Variants in RBFOX1 observed in about 807,000 individuals in gnomAD.
RBFOX1 encodes the protein RNA binding protein fox-1 homolog 1.
In RBFOX1, 8 loss-of-function variants were observed where a neutral mutation model predicts 57.7. That is an observed-to-expected ratio of 0.14 (90% CI 0.08 to 0.25). The LOEUF is 0.25. RBFOX1 is among the 10% of genes least tolerant of loss of function. The probability of loss-of-function intolerance (pLI) is 1.00; values close to 1 mark genes in which losing one functional copy is unlikely to be tolerated. For synonymous variants in RBFOX1, 326 were observed against 222.4 expected, an observed-to-expected ratio of 1.47 and a Z score of -4.15; for missense variants, 611 against 548.5, an observed-to-expected ratio of 1.11 and a Z score of -1.14.
At chr16:6,890,128 G>A (rs1419000064) in intron 3 of RBFOX1, among the ~76,000 whole-genome samples, 1 of 152,164 alleles carries the variant, frequency 6.6e-6, no homozygotes, top group East Asian at 1.9e-4. Context: ...TAATATAGGT[G>A]GTAAGGTGAA....
At chr16:7,087,012 C>T (rs2060095942) in intron 4 of RBFOX1, among the ~76,000 whole-genome samples, 1 of 152,180 alleles carries the variant, frequency 6.6e-6, no homozygotes, top group Non-Finnish European at 1.5e-5. Context: ...GGCAGGACCG[C>T]AGCCTCTGAG....
intron 3 of RBFOX1, among the ~76,000 whole-genome samples, chr16:6,664,416 G>A (rs1016534238): frequency 1.3e-5 from 2 of 152,160 alleles, no homozygotes; most frequent in African/African-American, 4.8e-5. Flanking sequence ...AGAAATGTGC[G>A]CGGTCATCTA....
chr16:6,611,777 TTCTC>T (rs2098059599), intron 2 of RBFOX1, among the ~76,000 whole-genome samples: 2 of 152,114 alleles, frequency 1.3e-5, no homozygotes, highest in South Asian at 4.1e-4. Context: ...CATCTTCCCC[TTCTC>T]TCTCTGCTTC....
At chr16:6,940,124 G>A (rs560423275) in intron 3 of RBFOX1, among the ~76,000 whole-genome samples, 21 of 152,192 alleles carry the variant, frequency 1.4e-4, no homozygotes, top group Non-Finnish European at 2.5e-4. Flanking sequence ...CCCAGGAGGC[G>A]GAGGTTGCAG....
chr16:6,819,311 G>A (rs11865240), intron 3 of RBFOX1, among the ~76,000 whole-genome samples: 1 of 151,972 alleles, frequency 6.6e-6, no homozygotes, highest in Non-Finnish European at 1.5e-5. Flanking sequence ...TGCTCACTTA[G>A]GTTTGAATTA....
chr16:7,376,280 G>A (rs918888600), intron 4 of RBFOX1, among the ~76,000 whole-genome samples: 2 of 152,140 alleles, frequency 1.3e-5, no homozygotes, highest in African/African-American at 4.8e-5. Context: ...CTCTTAATTC[G>A]ATTCTATTAG....
At chr16:5,431,562 A>G (rs1013007007) in intron 1 of RBFOX1, among the ~76,000 whole-genome samples, 1 of 151,862 alleles carries the variant, frequency 6.6e-6, no homozygotes, top group Non-Finnish European at 1.5e-5. Context: ...TTTACTAGAG[A>G]CGGGGTTTCA....
At chr16:7,189,227 C>T (rs1052748476) in intron 4 of RBFOX1, among the ~76,000 whole-genome samples, 7 of 151,732 alleles carry the variant, frequency 4.6e-5, no homozygotes, top group African/African-American at 1.5e-4. Context: ...CGATCGAGAC[C>T]ATCCTGGCTA....
chr16:6,240,738 C>T lies in RBFOX1; in HGVS notation c.-126-76257C>T, dbSNP rs559367769. 1.2e-4 allele frequency among the ~76,000 whole-genome samples: 19 copies of T among 152,204 alleles called. No homozygotes were observed. The South Asian group carries it at 2.1e-3, about 17-fold the overall frequency. ...GGGGTTCACATTTGCAGAACACTGA[C>T]GTCTTGGCTACTTACAACTCAGCCA... On this transcript the variant is annotated intron_variant, in intron 1 of 15. Coordinates refer to ENST00000550418, the MANE Select transcript of RBFOX1 (RefSeq NM_018723.4).
At chr16:6,525,299 G>C (rs7196858) in intron 2 of RBFOX1, among the ~76,000 whole-genome samples, 84,594 of 152,042 alleles carry the variant, frequency 0.56, 25,247 homozygotes, top group Non-Finnish European at 0.65. Flanking sequence ...ACTTACTGGG[G>C]AGTATGTGAT....
At chr16:7,654,506 G>A (rs1020190329) in intron 12 of RBFOX1, among the ~76,000 whole-genome samples, 2 of 152,170 alleles carry the variant, frequency 1.3e-5, no homozygotes, top group African/African-American at 2.4e-5. Flanking sequence ...TTTCCAAAAT[G>A]GCATTTGCCT....
At chr16:7,183,719 G>C (rs1357722035) in intron 4 of RBFOX1, among the ~76,000 whole-genome samples, 7 of 152,146 alleles carry the variant, frequency 4.6e-5, no homozygotes, top group South Asian at 2.1e-4. Context: ...CTGAACACAA[G>C]CTAGTTCTTA....
intron 5 of RBFOX1, among the ~76,000 whole-genome samples, chr16:7,547,025 A>G (rs879478736): frequency 6.6e-6 from 1 of 152,168 alleles, no homozygotes; most frequent in Non-Finnish European, 1.5e-5. Context: ...ACTCCCACCA[A>G]GACTGCACGG....
chr16:5,809,615 C>T (rs1181986839), intron 3 of RBFOX1, among the ~76,000 whole-genome samples: 1 of 152,156 alleles, frequency 6.6e-6, no homozygotes, highest in Non-Finnish European at 1.5e-5. Context: ...CAAATCAAAA[C>T]CACGATGAGA....
intron 3 of RBFOX1, among the ~76,000 whole-genome samples, chr16:6,938,876 G>A (rs1293662689): frequency 6.6e-6 from 1 of 152,134 alleles, no homozygotes; most frequent in Non-Finnish European, 1.5e-5. Flanking sequence ...AGGTAGCAGT[G>A]AGCCGAGATT....
intron 1 of RBFOX1, among the ~76,000 whole-genome samples, chr16:5,282,980 T>C (rs1380394679): frequency 6.6e-6 from 1 of 152,086 alleles, no homozygotes; most frequent in Non-Finnish European, 1.5e-5. Flanking sequence ...GAAGAAAAGA[T>C]GGTTTTGTGG....
intron 4 of RBFOX1, among the ~76,000 whole-genome samples, chr16:7,139,379 T>A (rs891713583): frequency 1.3e-5 from 2 of 152,142 alleles, no homozygotes; most frequent in Non-Finnish European, 2.9e-5. Context: ...ATGCTTGGCT[T>A]CATCCCTCCA....
rs372181376 is a variant in RBFOX1 at position 6,899,906 on chromosome 16, C to A, written c.-15-152151C>A. On this transcript the variant is annotated intron_variant, in intron 3 of 15. Transcript: ENST00000550418. The stretch of plus-strand genomic sequence containing the variant: ...TTAACAATGAGAGAGATTTTTTTGC[C>A]CATGTTCTGACCATAACCATTTGAA... 1.1e-3 allele frequency among the ~76,000 whole-genome samples: 167 copies of A among 152,132 alleles called. 5 individuals are homozygous for A. In the South Asian group the frequency reaches 0.031, roughly 28 times the overall value.
intron 3 of RBFOX1, among the ~76,000 whole-genome samples, chr16:6,862,373 C>A (rs898013802): frequency 6.6e-6 from 1 of 152,118 alleles, no homozygotes; most frequent in Non-Finnish European, 1.5e-5. Flanking sequence ...AACACCAAGG[C>A]CCCAGAGCAG....
Sources: gnomAD v4.1 joint callset for allele counts (sites outside exome capture counted in the v4.1 genomes callset) on GRCh38, gnomAD v4.1.1 for gene constraint, MANE v1.5 for transcripts, NCBI Gene and HGNC (gene_info 2026-07-23, HGNC 2026-07-21) for gene names.